ABCA13: variants seen among roughly 807,000 people sequenced by gnomAD.
ABCA13 encodes the protein ATP binding cassette subfamily A member 13.
ABCA13 carries 476 observed loss-of-function variants against 478.7 expected under a neutral mutation model. The ratio of observed to expected loss-of-function variants is 0.99; its 90% CI spans 0.92 to 1.07. ABCA13 has a LOEUF of 1.07. Among genes scored for constraint, ABCA13 ranks in the 50% least tolerant of loss-of-function variants. The pLI is 0.00. For synonymous variants in ABCA13, 2,252 were observed against 2,158.9 expected, an observed-to-expected ratio of 1.04 and a Z score of -1.20; for missense variants, 6,060 against 5,910.6, an observed-to-expected ratio of 1.03 and a Z score of -0.83.
chr7:48,519,054 A>G (rs1329660762), intron 52 of ABCA13, among the ~76,000 whole-genome samples: 4 of 150,694 alleles, frequency 2.7e-5, no homozygotes, highest in African/African-American at 9.8e-5. Context: ...TATAAGTGGG[A>G]ATATGCAGTG....
At position 48,279,282 on chromosome 7, in the gene ABCA13, T is replaced by G. The variant is rs1358518037; in HGVS notation, c.8088T>G (p.Pro2696=). 6.3e-7 allele frequency: 1 copy of G among 1,588,404 alleles called. No individual in the cohort carries two copies. The highest frequency in any genetic ancestry group is 2.3e-5 in the East Asian group (1 of 44,248). ...NITNQMDFLY[P]NPISTHSGPQ... ...CCAACCAAATGGACTTCTTATACCCTAATCCAATTTCCACTCATAGTGGCC... is the reference window on the plus strand; with the variant it reads ...CCAACCAAATGGACTTCTTATACCCGAATCCAATTTCCACTCATAGTGGCC... The change falls in exon 18 of 62, where the codon CCT becomes CCG. Residue 2696 remains proline, a synonymous_variant. Coordinates refer to ENST00000435803, the MANE Select transcript of ABCA13 (RefSeq NM_152701.5).
intron 21 of ABCA13, among the ~76,000 whole-genome samples, chr7:48,296,101 A>C (rs973174916): frequency 6.6e-6 from 1 of 152,230 alleles, no homozygotes; most frequent in African/African-American, 2.4e-5. Flanking sequence ...AGATATAAGA[A>C]TGTAATCCAC....
At chr7:48,335,780 T>A (rs932591810) in intron 28 of ABCA13, among the ~76,000 whole-genome samples, 1 of 152,256 alleles carries the variant, frequency 6.6e-6, no homozygotes. Context: ...TTTCTTTAAA[T>A]TCTTTATTAA....
At chr7:48,204,026 A>G (rs1326772465) in intron 3 of ABCA13, among the ~76,000 whole-genome samples, 1 of 150,276 alleles carries the variant, frequency 6.7e-6, no homozygotes, top group Non-Finnish European at 1.5e-5. Context: ...CAACCACCAT[A>G]CTGCCTGGTT....
chr7:48,593,969 G>C (rs1790029441), intron 57 of ABCA13, among the ~76,000 whole-genome samples: 1 of 151,618 alleles, frequency 6.6e-6, no homozygotes, highest in African/African-American at 2.4e-5. Context: ...TCCTCTTGTT[G>C]CTGTGAAAAT....
intron 58 of ABCA13, among the ~76,000 whole-genome samples, chr7:48,612,710 A>C (rs982537870): frequency 1.3e-5 from 2 of 152,210 alleles, no homozygotes; most frequent in Non-Finnish European, 2.9e-5. Context: ...AAGTTGTTAC[A>C]TGCATTTATA....
At chr7:48,495,966 C>T (rs540109315) in intron 48 of ABCA13, among the ~76,000 whole-genome samples, 1 of 152,086 alleles carries the variant, frequency 6.6e-6, no homozygotes, top group East Asian at 1.9e-4. Context: ...ATATCTTTCC[C>T]GTTATTTTAT....
At chr7:48,645,327 C>T in intron 61 of ABCA13, 90 bp from the exon 62 acceptor site, 5 of 972,752 alleles carry the variant, frequency 5.1e-6, no homozygotes, top group Non-Finnish European at 7.7e-6. Flanking sequence ...GCAAGTTGGC[C>T]AGTGTTCTGA....
Position 48,647,349 on chromosome 7 carries a change from T to A in ABCA13, c.*1837T>A, listed in dbSNP as rs532550628. 6.6e-6 allele frequency: 1 copy of A among 152,350 alleles called. No homozygotes were observed. The highest frequency in any genetic ancestry group is 1.9e-4 in the East Asian group (1 of 5,194). The allele number at this position is 152,350 out of a possible 1,614,324, so 9.4% of individuals were successfully genotyped here. On this transcript the variant is annotated 3_prime_UTR_variant, in exon 62 of 62. Transcript: ENST00000435803. ...AAATAAATTACAGTTTATGGCTGTA[T>A]GATTTATTCTCTAATTCTAACATAG...
At chr7:48,244,397 A>G (rs1791352349) in intron 10 of ABCA13, among the ~76,000 whole-genome samples, 179 bp from the exon 11 acceptor site, 1 of 152,212 alleles carries the variant, frequency 6.6e-6, no homozygotes, top group African/African-American at 2.4e-5. Flanking sequence ...GAATCTCCCA[A>G]TCAGGTGACT....
chr7:48,524,546 TA>T (rs1832763667), intron 54 of ABCA13, 106 bp downstream of exon 54: 4 of 1,063,444 alleles, frequency 3.8e-6, no homozygotes, highest in Admixed American at 3.5e-5. Context: ...GAGCCAAAAA[TA>T]GCCTTCAAAT....
chr7:48,221,315 T>C lies in ABCA13; in HGVS notation c.468+6T>C, dbSNP rs1046146921. 5.3e-6 allele frequency: 6 copies of C among 1,141,674 alleles called. No homozygotes were observed. The highest frequency in any genetic ancestry group is 7.5e-6 in the Non-Finnish European group (6 of 799,734). 70.7% of individuals were successfully genotyped at this position (1,141,674 alleles called of 1,614,324 possible). Reference sequence around the variant, plus strand: ...ATGGTTCCAGTTTTTTTACAGTAAGTATCTTAACAATAGTTTGAAAATTAG... The same window carrying C: ...ATGGTTCCAGTTTTTTTACAGTAAGCATCTTAACAATAGTTTGAAAATTAG... On this transcript the variant is annotated splice_donor_region_variant and intron_variant, in intron 5 of 61. Transcript: ENST00000435803.
In ABCA13 at chr7:48,211,813, T is replaced by C. The variant is rs139929711; in HGVS notation, c.288-7541T>C. Among the ~76,000 whole-genome samples, 11 of 152,084 alleles carry C rather than the reference T, an allele frequency of 7.2e-5. No homozygotes were observed. In the East Asian group the frequency reaches 2.1e-3, roughly 30 times the overall value. On this transcript the variant is annotated intron_variant, in intron 3 of 61. Coordinates refer to ENST00000435803, the MANE Select transcript of ABCA13 (RefSeq NM_152701.5). ...CAGAAATCTGCCTGGTACTTTATTT[T>C]ACAGTGGCTGAACTGGTATCCAGCT...
Position 48,587,263 on chromosome 7 carries a change from T to C in ABCA13, c.14615T>C (p.Val4872Ala). Residue 4872 changes from valine (V) to alanine (A), a missense_variant, in exon 57 of 62, where the codon GTG (valine) becomes GCG (alanine). Around this residue, in one of 3 missense-constraint regions of ABCA13, gnomAD observed 1,627 missense variants for 1,571.0 expected, o/e 1.04. Coordinates refer to ENST00000435803, the MANE Select transcript of ABCA13 (RefSeq NM_152701.5). Reference protein sequence around the residue: ...KRKLSTALALVGKPDILLLDE... With the variant: ...KRKLSTALALAGKPDILLLDE... ...AAACTCTCTACAGCCCTGGCCCTGG[T>C]GGGGAAACCTGACATTCTTTTATTG... 1 of 1,609,436 alleles carries C rather than the reference T, an allele frequency of 6.2e-7. No individual in the cohort carries two copies. The highest frequency in any genetic ancestry group is 8.5e-7 in the Non-Finnish European group (1 of 1,177,654).
chr7:48,499,712 G>A (rs1830576100), intron 48 of ABCA13, among the ~76,000 whole-genome samples: 1 of 152,176 alleles, frequency 6.6e-6, no homozygotes, highest in African/African-American at 2.4e-5. Flanking sequence ...TGTACATTTT[G>A]AAACGTCATT....
intron 19 of ABCA13, among the ~76,000 whole-genome samples, chr7:48,281,690 T>TTG (rs1797066941): frequency 9.7e-6 from 1 of 103,248 alleles, no homozygotes; most frequent in Admixed American, 1.1e-4. Context: ...TTCTGGTCTC[T>TTG]GTCTTTGCTC....
intron 55 of ABCA13, among the ~76,000 whole-genome samples, chr7:48,550,048 C>T (rs1235109446): frequency 6.6e-6 from 1 of 151,814 alleles, no homozygotes; most frequent in Non-Finnish European, 1.5e-5. Flanking sequence ...TTTTGCTGTG[C>T]AGAAGCTCTT....
intron 55 of ABCA13, among the ~76,000 whole-genome samples, chr7:48,579,971 G>C (rs910332533): frequency 2.0e-5 from 3 of 152,172 alleles, no homozygotes; most frequent in Admixed American, 6.5e-5. Context: ...GTTAAGGAGA[G>C]ATAAAGAGCT....
intron 34 of ABCA13, 83 bp downstream of exon 34, chr7:48,374,499 G>C: frequency 3.9e-6 from 5 of 1,278,824 alleles, no homozygotes; most frequent in Non-Finnish European, 5.5e-6. Context: ...TGATCCAGTA[G>C]GAAGTCTTCA....
Sources: gnomAD v4.1 joint callset for allele counts (sites outside exome capture counted in the v4.1 genomes callset) on GRCh38, gnomAD v4.1.1 for gene constraint, gnomAD v4.1.1 regional missense constraint, MANE v1.5 for transcripts, NCBI Gene and HGNC (gene_info 2026-07-23, HGNC 2026-07-21) for gene names.